Variants in MID1 observed in about 807,000 individuals in gnomAD.
MID1 encodes E3 ubiquitin-protein ligase Midline-1.
Under a neutral mutation model 40.4 loss-of-function variants are expected in MID1, and 7 were observed. That is an observed-to-expected ratio of 0.17 (90% CI 0.10 to 0.33). MID1 has a LOEUF of 0.33. Ranked by LOEUF, MID1 falls within the 10% of genes least tolerant of loss-of-function variation. The probability of loss-of-function intolerance (pLI) is 1.00; values close to 1 mark genes in which losing one functional copy is unlikely to be tolerated. For missense variants in MID1, 367 were observed against 558.5 expected (o/e 0.66, Z 3.46); for synonymous variants, 229 against 221.2 (o/e 1.04, Z -0.31).
chrX:10,530,488 T>C (rs1202955512), intron 2 of MID1, among the ~76,000 whole-genome samples: 3 of 112,635 alleles, frequency 2.7e-5, no homozygotes, highest in Admixed American at 1.9e-4. Context: ...ATAAAACATG[T>C]GTTGCTTAAA....
chrX:10,531,138 T>A (rs1291256743), intron 2 of MID1, among the ~76,000 whole-genome samples: 1 of 111,631 alleles, frequency 9.0e-6, no homozygotes, highest in Non-Finnish European at 1.9e-5. Context: ...TCCAGCGTGA[T>A]CAGGATATGG....
chrX:10,565,903 A>C (rs1194674753), intron 2 of MID1, among the ~76,000 whole-genome samples: 1 of 103,229 alleles, frequency 9.7e-6, no homozygotes, highest in Non-Finnish European at 2.0e-5. Context: ...TCCACCCCCC[A>C]GGGTCAAGTG....
chrX:10,572,117 C>CTCTTTCTCTCTCCCTT lies in MID1; in HGVS notation c.-56-4515_-56-4514insAAGGGAGAGAGAAAGA, dbSNP rs1206555492. Among the ~76,000 whole-genome samples the CTCTTTCTCTCTCCCTT allele has an allele frequency of 4.1e-4, 44 of 107,626 alleles. 1 individual carries two copies. Among genetic ancestry groups the CTCTTTCTCTCTCCCTT allele is most frequent in the African/African-American group, 1.3e-3 (39 of 29,058 alleles). The allele number at this position is 107,626 out of a possible 115,157, so 93.5% of individuals were successfully genotyped here. On this transcript the variant is annotated intron_variant, in intron 1 of 9. Coordinates refer to ENST00000317552, the MANE Select transcript of MID1 (RefSeq NM_000381.4). ...ATCTTTCTTTTCACTCTCTCTCTCT[C>CTCTTTCTCTCTCCCTT]TCTCTCTCTCTTTCTCTCTCCCTTT...
At chrX:10,679,447 G>A (rs1332473869) in intron 1 of MID1, among the ~76,000 whole-genome samples, 4 of 112,035 alleles carry the variant, frequency 3.6e-5, no homozygotes, top group Non-Finnish European at 5.6e-5. Context: ...CTTATGTCAG[G>A]AGTGGGCAAA....
At chrX:10,571,939 AAGAC>A (rs1425805228) in intron 1 of MID1, among the ~76,000 whole-genome samples, 1 of 109,221 alleles carries the variant, frequency 9.2e-6, no homozygotes, top group Non-Finnish European at 1.9e-5. Context: ...ATGCATGCCA[AAGAC>A]AGACAGGGAA....
chrX:10,569,654 G>C (rs1262980997), intron 1 of MID1, among the ~76,000 whole-genome samples: 1 of 112,180 alleles, frequency 8.9e-6, no homozygotes, highest in East Asian at 2.8e-4. Context: ...AATCTGAATA[G>C]AAGGATGAGC....
chrX:10,522,022 A>C (rs761068264), intron 3 of MID1, among the ~76,000 whole-genome samples: 1 of 110,784 alleles, frequency 9.0e-6, no homozygotes, highest in Non-Finnish European at 1.9e-5. Context: ...TGTATTTTTT[A>C]ATAGAGATGG....
At chrX:10,572,138 CCTTTCTCTCTCT>C (rs1266972580) in intron 1 of MID1, among the ~76,000 whole-genome samples, 17 of 93,287 alleles carry the variant, frequency 1.8e-4, no homozygotes, top group East Asian at 3.3e-4. Flanking sequence ...TTTCTCTCTC[CCTTTCTCTCTCT>C]CTTTCTCTCT....
intron 1 of MID1, among the ~76,000 whole-genome samples, chrX:10,777,825 C>CT (rs1310298354): frequency 4.5e-5 from 5 of 111,933 alleles, no homozygotes; most frequent in Non-Finnish European, 9.4e-5. Context: ...ACTTTTTAAA[C>CT]TTTTTTTGCT....
At chrX:10,465,210 TATATACACACACACACAC>T (rs1441286466) in intron 7 of MID1, among the ~76,000 whole-genome samples, 56 of 62,043 alleles carry the variant, frequency 9.0e-4, no homozygotes, top group African/African-American at 5.0e-3. Context: ...TATATATATA[TATATACACACACACACAC>T]ACACACACAC....
rs566442150 is a variant in MID1, at chrX:10,455,896, G to C, written c.1448-819C>G. ...TAAGTATTAAAAAAATCTTGGCAGA[G>C]TCACACCTGGACATTTTGTCATAGT... On this transcript the variant is annotated intron_variant, in intron 8 of 9. Transcript: ENST00000317552. 2.7e-4 allele frequency among the ~76,000 whole-genome samples: 30 copies of C among 112,096 alleles called. No homozygotes were observed. In the South Asian group the frequency reaches 9.3e-3, roughly 35 times the overall value.
At chrX:10,615,644 C>T in intron 1 of MID1, among the ~76,000 whole-genome samples, 1 of 112,081 alleles carries the variant, frequency 8.9e-6, no homozygotes, top group East Asian at 2.8e-4. Flanking sequence ...ACCTGACCTC[C>T]TGGAGGCCAT....
intron 1 of MID1, among the ~76,000 whole-genome samples, chrX:10,673,997 T>A (rs1010864730): frequency 4.5e-5 from 5 of 111,117 alleles, no homozygotes; most frequent in Non-Finnish European, 9.4e-5. Context: ...TTATGATATA[T>A]CAAAACATTT....
chrX:10,694,386 C>A (rs1410521409), intron 1 of MID1, among the ~76,000 whole-genome samples: 1 of 112,329 alleles, frequency 8.9e-6, no homozygotes, highest in Non-Finnish European at 1.9e-5. Flanking sequence ...ATTCTAACCA[C>A]CCCTCTGAGT....
At chrX:10,601,555 C>T (rs190331556) in intron 1 of MID1, among the ~76,000 whole-genome samples, 1 of 111,829 alleles carries the variant, frequency 8.9e-6, no homozygotes, top group East Asian at 2.8e-4. Context: ...TATTTACTGT[C>T]TGGTCCTTTA....
intron 4 of MID1, 43 bp downstream of exon 4, chrX:10,495,541 C>T: frequency 1.0e-6 from 1 of 992,832 alleles, no homozygotes; most frequent in Non-Finnish European, 1.4e-6. Context: ...GATTTATTTT[C>T]TCCAGGTAGA....
intron 1 of MID1, among the ~76,000 whole-genome samples, chrX:10,595,079 A>G (rs1374316089): frequency 8.9e-6 from 1 of 111,748 alleles, no homozygotes; most frequent in Non-Finnish European, 1.9e-5. Flanking sequence ...AATAGTGGGT[A>G]TCATTTTCCC....
chrX:10,640,678 A>G (rs1395214534), intron 1 of MID1, among the ~76,000 whole-genome samples: 1 of 111,500 alleles, frequency 9.0e-6, no homozygotes, highest in Non-Finnish European at 1.9e-5. Flanking sequence ...ATAGACATCT[A>G]CAGAACTCTC....
At chrX:10,548,210 G>C (rs145256939) in intron 2 of MID1, among the ~76,000 whole-genome samples, 156 of 111,524 alleles carry the variant, frequency 1.4e-3, no homozygotes, top group African/African-American at 4.9e-3. Context: ...ACCACTGTGT[G>C]TTCCATGTCC....
Sources: gnomAD v4.1 joint callset for allele counts (sites outside exome capture counted in the v4.1 genomes callset) on GRCh38, gnomAD v4.1.1 for gene constraint, MANE v1.5 for transcripts, NCBI Gene and HGNC (gene_info 2026-07-23, HGNC 2026-07-21) for gene names.